The following THNSL2 variants were observed in gnomAD, a reference collection of about 807,000 sequenced individuals.
THNSL2 encodes the protein threonine synthase-like 2.
A neutral mutation model predicts 40.0 loss-of-function variants in THNSL2; 34 were observed. That is an observed-to-expected ratio of 0.85 (90% CI 0.65 to 1.13). The LOEUF is 1.13. Ranked by LOEUF, THNSL2 falls within the 50% of genes most tolerant of loss-of-function variation. The pLI, the probability that THNSL2 is intolerant of heterozygous loss-of-function variation, is 0.00. For synonymous variants in THNSL2, 241 were observed against 247.5 expected, an observed-to-expected ratio of 0.97 and a Z score of 0.25; for missense variants, 537 against 608.8, an observed-to-expected ratio of 0.88 and a Z score of 1.24.
chr2:88,179,258 T>C (rs1677280299), intron 5 of THNSL2, among the ~76,000 whole-genome samples: 1 of 152,202 alleles, frequency 6.6e-6, no homozygotes, highest in South Asian at 2.1e-4. Context: ...CAGCCTGACC[T>C]GATGTGCTCG....
At chr2:88,178,402 C>G (rs1256922118) in intron 4 of THNSL2, among the ~76,000 whole-genome samples, 1 of 152,244 alleles carries the variant, frequency 6.6e-6, no homozygotes, top group Non-Finnish European at 1.5e-5. Flanking sequence ...ATCAGGCACA[C>G]AGTTTCTCCT....
Position 88,185,920 on chromosome 2 carries a change from C to T in THNSL2, c.1252C>T (p.Pro418Ser), listed in dbSNP as rs76963547. The T allele has an allele frequency of 2.9e-4, 473 of 1,609,458 alleles. No individual in the cohort carries two copies. The African/African-American group carries it at 4.1e-3, about 14-fold the overall frequency. Reference protein sequence around the residue: ...QPSTPRCCLAPASAAKFPEAV... With the variant: ...QPSTPRCCLASASAAKFPEAV... ...CAGCACTCCCCGGTGCTGCCTCGCCCCTGCCTCTGCAGCCAAGTTCCCGGA... is the reference window on the plus strand; with the variant it reads ...CAGCACTCCCCGGTGCTGCCTCGCCTCTGCCTCTGCAGCCAAGTTCCCGGA... The change falls in exon 9 of 9, where the codon CCT (proline) becomes TCT (serine). Residue 418 changes from proline (P) to serine (S), a missense_variant. Transcript: ENST00000674334.
At position 88,174,715 on chromosome 2, in the gene THNSL2, C is replaced by CG. The variant is rs1161237727; in HGVS notation, c.301dup (p.Val101GlyfsTer13). On this transcript the variant is annotated frameshift_variant, in exon 3 of 9. Transcript: ENST00000674334. LOFTEE classifies it high-confidence loss of function. The stretch of plus-strand genomic sequence containing the variant: ...TGTCCAGGTTGAGGAATGGGCTGAA[C>CG]GTGTTGGAGCTGTGGCATGGCGTCA... The CG allele has an allele frequency of 1.2e-6, 2 of 1,614,008 alleles. No homozygotes were observed. The highest frequency in any genetic ancestry group is 2.7e-5 in the African/African-American group (2 of 74,900).
chr2:88,182,736 T>C lies in THNSL2; in HGVS notation c.840T>C (p.Arg280=), dbSNP rs576025258. Residue 280 remains arginine (R), a synonymous_variant, in exon 6 of 9, where the codon CGT becomes CGC. Transcript: ENST00000674334. ...CTCAAAAGATAGGCCTGCCCATCCG[T>C]CTGGTCGTGGCAGTGAACCGCAATG... ...YIAQKIGLPI[R]LVVAVNRNDI... 6.2e-7 allele frequency: 1 copy of C among 1,613,784 alleles called. No homozygotes were observed.
chr2:88,174,532 T>C, intron 2 of THNSL2, 107 bp from the exon 3 acceptor site: 1 of 1,153,236 alleles, frequency 8.7e-7, no homozygotes, highest in South Asian at 1.6e-5. Context: ...ATGAAGATTT[T>C]TGGCCTTTTA....
At chr2:88,185,297 C>T (rs767475490) in intron 7 of THNSL2, 31 bp from the exon 8 acceptor site, 6 of 1,596,524 alleles carry the variant, frequency 3.8e-6, no homozygotes, top group South Asian at 3.4e-5. Flanking sequence ...CCCCCCCCCA[C>T]ACCTCATCTT....
In THNSL2 at chr2:88,185,952, C is replaced by A. The variant is rs1160955403; in HGVS notation, c.1284C>A (p.Val428=). 6.2e-7 allele frequency: 1 copy of A among 1,612,712 alleles called. No individual in the cohort carries two copies. Among genetic ancestry groups the A allele is most frequent in the Non-Finnish European group, 8.5e-7 (1 of 1,179,684 alleles). The change falls in exon 9 of 9, where the codon GTC becomes GTA. Residue 428 remains valine, a synonymous_variant. Transcript: ENST00000674334. ...CTGCAGCCAAGTTCCCGGAAGCTGTCCTGGCTGCTGGCCTGACCCCTGAGA... is the reference window on the plus strand; with the variant it reads ...CTGCAGCCAAGTTCCCGGAAGCTGTACTGGCTGCTGGCCTGACCCCTGAGA... ...PASAAKFPEA[V]LAAGLTPETP...
intron 4 of THNSL2, among the ~76,000 whole-genome samples, chr2:88,178,329 G>A (rs1240822485): frequency 6.6e-6 from 1 of 152,188 alleles, no homozygotes; most frequent in Admixed American, 6.5e-5. Flanking sequence ...AATGGTGACT[G>A]TTTCCACCCT....
chr2:88,179,533 C>G (rs1051492335), intron 5 of THNSL2, among the ~76,000 whole-genome samples: 4 of 152,204 alleles, frequency 2.6e-5, no homozygotes, highest in African/African-American at 9.6e-5. Flanking sequence ...CCTTTAGACT[C>G]AACCTTTGAG....
intron 4 of THNSL2, chr2:88,177,048 A>G (rs1677009352): frequency 6.6e-6 from 1 of 152,242 alleles, no homozygotes; most frequent in Non-Finnish European, 1.5e-5. Flanking sequence ...TGAAAGCTCC[A>G]TTCCTGACTT....
At chr2:88,179,057 C>G in intron 5 of THNSL2, 44 bp downstream of exon 5, 1 of 1,593,770 alleles carries the variant, frequency 6.3e-7, no homozygotes. Flanking sequence ...AGAAAAATGC[C>G]TGTGGCCCCA....
At chr2:88,172,624 T>C (rs1403714918) in intron 1 of THNSL2, 2 of 152,290 alleles carry the variant, frequency 1.3e-5, no homozygotes, top group Non-Finnish European at 2.9e-5. Flanking sequence ...TTTTTAACGC[T>C]CTGAGGTTGA....
At chr2:88,181,095 C>CCTCTCTCCT (rs1558894874) in intron 5 of THNSL2, among the ~76,000 whole-genome samples, 1 of 43,498 alleles carries the variant, frequency 2.3e-5, no homozygotes, top group Admixed American at 3.1e-4. Context: ...CGCTCGCTCT[C>CCTCTCTCCT]CTCTCTCCTC....
intron 6 of THNSL2, 43 bp downstream of exon 6, chr2:88,182,890 T>G: frequency 6.2e-7 from 1 of 1,611,702 alleles, no homozygotes; most frequent in Non-Finnish European, 8.5e-7. Context: ...AGGTGTTGGT[T>G]GGGTGGGGCT....
intron 1 of THNSL2, among the ~76,000 whole-genome samples, chr2:88,170,844 C>G (rs959265948): frequency 2.9e-5 from 4 of 137,596 alleles, no homozygotes; most frequent in Admixed American, 1.4e-4. Flanking sequence ...GGGGTGCCGT[C>G]GGCTCCTGGG....
chr2:88,172,954 AT>A (rs887390230), intron 1 of THNSL2, 184 bp from the exon 2 acceptor site: 1 of 402,352 alleles, frequency 2.5e-6, no homozygotes, highest in African/African-American at 2.0e-5. Context: ...TGGAATCATG[AT>A]TTACACAGTT....
Position 88,182,951 on chromosome 2 carries a change from C to T in THNSL2, c.955C>T (p.Pro319Ser). 1 of 1,614,074 alleles carries T rather than the reference C, an allele frequency of 6.2e-7. No individual in the cohort carries two copies. Among genetic ancestry groups the T allele is most frequent in the Non-Finnish European group, 8.5e-7 (1 of 1,179,992 alleles). ...CTGAAACTGACTTTCTGCTCAGGTG[C>T]CCTACAACATGGAGAGGGTGTTCTG... ...TLASAMDIQV[P>S]YNMERVFWLL... is the part of the protein sequence containing the mutation. The change falls in exon 7 of 9, where the codon CCC (proline) becomes TCC (serine). Residue 319 changes from proline to serine, a missense_variant. Pro to Ser is a moderately conservative substitution (Grantham distance 74). Transcript: ENST00000674334.
chr2:88,170,832 T>C (rs1189447155), intron 1 of THNSL2, among the ~76,000 whole-genome samples: 1 of 145,542 alleles, frequency 6.9e-6, no homozygotes, highest in East Asian at 2.0e-4. Context: ...CCTCCACCCC[T>C]AGGGGTGCCG....
Position 88,178,892 on chromosome 2 carries a change from G to A in THNSL2, c.681G>A (p.Arg227=). Residue 227 remains arginine, a synonymous_variant, in exon 5 of 9, where the codon CGG becomes CGA. Coordinates refer to ENST00000674334, the MANE Select transcript of THNSL2 (RefSeq NM_018271.5). The part of the protein sequence containing the change: ...LMSLNSINWS[R]VLVQMAHHFF... ...GCCTGAATTCGATCAACTGGTCCCG[G>A]GTCCTGGTGCAGATGGCCCATCACT... is the stretch of plus-strand genomic sequence containing the variant. The A allele has an allele frequency of 6.2e-7, 1 of 1,614,206 alleles. No individual in the cohort carries two copies. Among genetic ancestry groups the A allele is most frequent in the Non-Finnish European group, 8.5e-7 (1 of 1,180,046 alleles).
Sources: allele counts gnomAD v4.1 joint callset (sites outside exome capture counted in the v4.1 genomes callset), GRCh38; gene constraint gnomAD v4.1.1; transcripts MANE v1.5; gene names NCBI Gene and HGNC (gene_info 2026-07-23, HGNC 2026-07-21).